FBXW8: variants seen among roughly 807,000 people sequenced by gnomAD.
The protein encoded by FBXW8 is F-box and WD repeat domain containing 8, also known as F-box/WD repeat-containing protein 8.
FBXW8 carries 57 observed loss-of-function variants against 65.3 expected under a neutral mutation model. That is an observed-to-expected ratio of 0.87 (90% CI 0.71 to 1.09). The LOEUF (loss-of-function observed/expected upper bound fraction) is 1.09, where lower values mean the gene tolerates loss of function less well. FBXW8 is among the 50% of genes least tolerant of loss of function. The pLI, the probability that FBXW8 is intolerant of heterozygous loss-of-function variation, is 0.00. For missense variants in FBXW8, 777 were observed against 814.8 expected, an observed-to-expected ratio of 0.95 and a Z score of 0.57; for synonymous variants, 308 against 330.2, an observed-to-expected ratio of 0.93 and a Z score of 0.73.
intron 4 of FBXW8, among the ~76,000 whole-genome samples, chr12:116,955,039 G>T (rs12308280): frequency 6.8e-6 from 1 of 146,198 alleles, no homozygotes; most frequent in African/African-American, 2.5e-5. Flanking sequence ...CTTGAAATGG[G>T]GGGGGGGGGC....
chr12:116,947,687 C>G (rs915372128), intron 3 of FBXW8, among the ~76,000 whole-genome samples: 1 of 135,828 alleles, frequency 7.4e-6, no homozygotes, highest in Non-Finnish European at 1.5e-5. Context: ...TGCAGTGAGC[C>G]AAGATTGCGC....
chr12:116,985,148 T>C (rs1885576268), intron 5 of FBXW8, 58 bp from the exon 6 acceptor site: 1 of 1,451,764 alleles, frequency 6.9e-7, no homozygotes, highest in Admixed American at 2.5e-5. Context: ...GTTTTTAAAA[T>C]AATTGAACAT....
intron 5 of FBXW8, among the ~76,000 whole-genome samples, chr12:116,982,372 A>G (rs763004362): frequency 4.6e-5 from 7 of 152,230 alleles, no homozygotes; most frequent in Non-Finnish European, 1.0e-4. Flanking sequence ...AGCAAAGACT[A>G]TAGTAACCAG....
chr12:116,926,044 A>C (rs924160714), intron 1 of FBXW8, among the ~76,000 whole-genome samples: 5 of 152,212 alleles, frequency 3.3e-5, no homozygotes, highest in Non-Finnish European at 5.9e-5. Flanking sequence ...GATGGAGGCC[A>C]GGCCAGCTGA....
At position 116,911,118 on chromosome 12, in the gene FBXW8, A is replaced by G. The variant is rs924568152; in HGVS notation, c.81A>G (p.Arg27=). 7.2e-7 allele frequency: 1 copy of G among 1,387,540 alleles called. No individual in the cohort carries two copies. The highest frequency in any genetic ancestry group is 9.3e-7 in the Non-Finnish European group (1 of 1,081,068). The allele number at this position is 1,387,540 out of a possible 1,614,324, so 86.0% of individuals were successfully genotyped here. A position where few individuals can be genotyped will look rare whatever the true frequency, so the allele number is the denominator to read the frequency against. Residue 27 remains arginine (R), a synonymous_variant, in exon 1 of 11, where the codon CGA becomes CGG. Coordinates refer to ENST00000652555, the MANE Select transcript of FBXW8 (RefSeq NM_153348.3). ...AGGCCCAGGCGCCGAAGAAGCGGCG[A>G]CGGCCCGAGGCTGCCGAGAGGCGGG... The part of the protein sequence containing the change: ...LAQAQAPKKR[R]RPEAAERRAR...
At chr12:116,964,933 C>G (rs985938820) in intron 5 of FBXW8, 79 bp downstream of exon 5, 4 of 1,419,750 alleles carry the variant, frequency 2.8e-6, no homozygotes, top group East Asian at 2.3e-5. Flanking sequence ...CCGGCTCCCC[C>G]CTGTAATCCC....
intron 7 of FBXW8, among the ~76,000 whole-genome samples, chr12:117,004,546 T>C (rs1315878440): frequency 6.6e-6 from 1 of 152,244 alleles, no homozygotes; most frequent in African/African-American, 2.4e-5. Context: ...TGGATTCTTT[T>C]AGCCTTGCAG....
At chr12:116,954,343 T>C (rs1883501655) in intron 4 of FBXW8, among the ~76,000 whole-genome samples, 1 of 152,116 alleles carries the variant, frequency 6.6e-6, no homozygotes, top group African/African-American at 2.4e-5. Context: ...ACCAAACTGA[T>C]GAATTTTTTT....
intron 1 of FBXW8, among the ~76,000 whole-genome samples, chr12:116,912,153 C>A (rs1436277057): frequency 6.8e-6 from 1 of 147,662 alleles, no homozygotes; most frequent in Non-Finnish European, 1.5e-5. Flanking sequence ...CAATTGGGAA[C>A]CCACTTTTTT....
intron 4 of FBXW8, among the ~76,000 whole-genome samples, chr12:116,958,179 G>A (rs1371912551): frequency 3.3e-5 from 5 of 152,182 alleles, no homozygotes; most frequent in African/African-American, 1.2e-4. Flanking sequence ...GATGTTTGTT[G>A]TAGTGCATTT....
At chr12:116,973,926 T>C (rs890829594) in intron 5 of FBXW8, among the ~76,000 whole-genome samples, 3 of 152,280 alleles carry the variant, frequency 2.0e-5, no homozygotes, top group Admixed American at 6.5e-5. Context: ...TGGATTTATC[T>C]TTCCACCTTA....
intron 1 of FBXW8, among the ~76,000 whole-genome samples, chr12:116,912,552 T>C (rs1880067555): frequency 1.3e-5 from 2 of 149,534 alleles, no homozygotes; most frequent in Admixed American, 1.3e-4. Context: ...TTCCGCCTCC[T>C]AGGTTCACGC....
chr12:116,964,626 CTG>C, intron 4 of FBXW8, 69 bp from the exon 5 acceptor site: 1 of 1,570,634 alleles, frequency 6.4e-7, no homozygotes, highest in Non-Finnish European at 8.7e-7. Flanking sequence ...TTGTAAGGCT[CTG>C]TGCATTTTCC....
chr12:116,911,503 T>TAGGG, intron 1 of FBXW8, 148 bp downstream of exon 1: 1 of 530,398 alleles, frequency 1.9e-6, no homozygotes, highest in African/African-American at 2.0e-5. Flanking sequence ...TGTGCTTGCA[T>TAGGG]AGGGGTCTTT....
At chr12:116,948,672 C>T (rs1404718236) in intron 3 of FBXW8, 1 of 152,160 alleles carries the variant, frequency 6.6e-6, no homozygotes, top group Non-Finnish European at 1.5e-5. Context: ...TTCATGCTTG[C>T]TTTGTGGCCT....
chr12:116,923,555 G>A (rs928909419), intron 1 of FBXW8, among the ~76,000 whole-genome samples: 33 of 150,832 alleles, frequency 2.2e-4, no homozygotes, highest in African/African-American at 7.1e-4. Flanking sequence ...AGTCTCGCTC[G>A]CTCTGTCACC....
chr12:116,949,777 GTACCA>G, intron 4 of FBXW8, 71 bp downstream of exon 4: 1 of 1,386,196 alleles, frequency 7.2e-7, no homozygotes, highest in Non-Finnish European at 1.0e-6. Flanking sequence ...CACCCTCTGA[GTACCA>G]GTGACCTTAG....
chr12:116,980,963 C>CT (rs1214463550), intron 5 of FBXW8, among the ~76,000 whole-genome samples: 4 of 152,212 alleles, frequency 2.6e-5, no homozygotes, highest in South Asian at 2.1e-4. Context: ...CAGTCAGGGA[C>CT]TTTTTTTGTT....
At chr12:116,966,391 C>T (rs1884328096) in intron 5 of FBXW8, among the ~76,000 whole-genome samples, 1 of 152,168 alleles carries the variant, frequency 6.6e-6, no homozygotes, top group Non-Finnish European at 1.5e-5. Flanking sequence ...CATGCACACA[C>T]ATATTCTTCT....
Sources: allele counts gnomAD v4.1 joint callset (sites outside exome capture counted in the v4.1 genomes callset), GRCh38; gene constraint gnomAD v4.1.1; transcripts MANE v1.5; gene names NCBI Gene and HGNC (gene_info 2026-07-23, HGNC 2026-07-21).